PSPH: variants seen among roughly 807,000 people sequenced by gnomAD.
The protein encoded by PSPH is L-3-phosphoserine phosphatase.
Under a neutral mutation model 23.4 loss-of-function variants are expected in PSPH, and 16 were observed. The ratio of observed to expected loss-of-function variants is 0.68; its 90% CI spans 0.46 to 1.04. The LOEUF (loss-of-function observed/expected upper bound fraction) is 1.04. Among genes scored for constraint, PSPH ranks in the 50% least tolerant of loss-of-function variants. The pLI, the probability that PSPH is intolerant of heterozygous loss-of-function variation, is 0.00. For synonymous variants in PSPH, 68 were observed against 99.7 expected (o/e 0.68, Z 1.89); for missense variants, 223 against 273.7 (o/e 0.81, Z 1.31).
chr7:56,048,875 T>C lies in PSPH; in HGVS notation c.-292+2263A>G, dbSNP rs114998610. Among the ~76,000 whole-genome samples the C allele has an allele frequency of 9.4e-3, 1,413 of 150,218 alleles. 17 individuals are homozygous for C. The highest frequency in any genetic ancestry group is 0.032 in the African/African-American group (1,293 of 40,912). ...TTGTTAGATAGGTATACATATCCCA[T>C]GGTGGTTTGCTGCACCCTTCAACCC... On this transcript the variant is annotated intron_variant, in intron 1 of 7. Coordinates refer to ENST00000275605, the MANE Select transcript of PSPH (RefSeq NM_004577.4).
intron 5 of PSPH, among the ~76,000 whole-genome samples, chr7:56,019,347 G>A (rs180683570): frequency 0.01 from 1,557 of 151,840 alleles, 28 homozygotes; most frequent in Non-Finnish European, 0.011. Flanking sequence ...GCTGAGGCAG[G>A]AGAATTGCAT....
rs556233553 is a variant in PSPH, at chr7:56,018,810, TA to T, written c.275+789del. On this transcript the variant is annotated intron_variant, in intron 5 of 7. Coordinates refer to ENST00000275605, the MANE Select transcript of PSPH (RefSeq NM_004577.4). ...GTGAGACCCTGTGTCTACAGAAAATTAAAAAAAAAAAAAATTAGGCATGGTG... is the reference window on the plus strand; with the variant it reads ...GTGAGACCCTGTGTCTACAGAAAATTAAAAAAAAAAAAATTAGGCATGGTG... Among the ~76,000 whole-genome samples the T allele has an allele frequency of 6.6e-3, 929 of 141,252 alleles. 7 individuals carry two copies. The highest frequency in any genetic ancestry group is 0.015 in the African/African-American group (592 of 38,668). The allele number at this position is 141,252 out of a possible 152,430, so 92.7% of individuals were successfully genotyped here.
chr7:56,029,996 A>G (rs887343517), intron 3 of PSPH, among the ~76,000 whole-genome samples: 2 of 151,808 alleles, frequency 1.3e-5, no homozygotes, highest in African/African-American at 4.8e-5. Context: ...AAAAAAGAAA[A>G]AAAAAAAAAA....
chr7:56,013,006 TTATATATATACACACATATACTATATATG>T (rs148096732), intron 7 of PSPH, among the ~76,000 whole-genome samples: 8 of 136,436 alleles, frequency 5.9e-5, no homozygotes, highest in African/African-American at 1.8e-4. Context: ...TAGCATTTGA[TTATATATATACACACATATACTATATATG>T]TATATATATA....
chr7:56,038,399 C>A (rs1264350114), intron 1 of PSPH, among the ~76,000 whole-genome samples: 1 of 151,926 alleles, frequency 6.6e-6, no homozygotes, highest in Non-Finnish European at 1.5e-5. Context: ...GCGGAGCTTG[C>A]AGTGAGCGGA....
chr7:56,021,940 A>C (rs1170176525), intron 3 of PSPH, among the ~76,000 whole-genome samples: 1 of 125,978 alleles, frequency 7.9e-6, no homozygotes, highest in South Asian at 2.6e-4. Flanking sequence ...ACAAAGCGAG[A>C]CTCCGTCTCA....
At chr7:56,045,072 C>CAAA (rs35552809) in intron 1 of PSPH, among the ~76,000 whole-genome samples, 1,216 of 117,284 alleles carry the variant, frequency 0.01, 20 homozygotes, top group African/African-American at 0.032. Context: ...AACTCTGCCT[C>CAAA]AAAAAAAAAA....
chr7:56,040,356 A>G (rs976570741), intron 1 of PSPH, among the ~76,000 whole-genome samples: 4 of 149,650 alleles, frequency 2.7e-5, no homozygotes, highest in African/African-American at 7.4e-5. Flanking sequence ...CTATATATCT[A>G]TATAAAAAAG....
In PSPH at chr7:56,022,332, T is replaced by C. The variant is rs557900695; in HGVS notation, c.-19-1101A>G. On this transcript the variant is annotated intron_variant, in intron 3 of 7. Transcript: ENST00000275605. Reference sequence around the variant, plus strand: ...CTGGGCAACAGAGCAAGACCCTGACTCTAACTAAAAGAAAAAAAAAGAAGG... The same window carrying C: ...CTGGGCAACAGAGCAAGACCCTGACCCTAACTAAAAGAAAAAAAAAGAAGG... Among the ~76,000 whole-genome samples the C allele has an allele frequency of 2.6e-5, 4 of 151,922 alleles. No homozygotes were observed. The East Asian group carries it at 7.8e-4, about 29-fold the overall frequency.
At chr7:56,048,361 G>T (rs1382796298) in intron 1 of PSPH, among the ~76,000 whole-genome samples, 19 of 151,386 alleles carry the variant, frequency 1.3e-4, no homozygotes, top group Admixed American at 9.9e-4. Flanking sequence ...AAAATAACTG[G>T]CCAGTATTCA....
rs372856150 is a variant in PSPH at position 56,031,136 on chromosome 7, G to A, written c.-20+793C>T. On this transcript the variant is annotated intron_variant, in intron 3 of 7. Transcript: ENST00000275605. ...TGAGGCAGGAGAATGGCGTGAACCCGGGAAGCGGAGCTTGCAGTGAGCCGA... is the reference window on the plus strand; with the variant it reads ...TGAGGCAGGAGAATGGCGTGAACCCAGGAAGCGGAGCTTGCAGTGAGCCGA... 3.1e-4 allele frequency among the ~76,000 whole-genome samples: 47 copies of A among 151,488 alleles called. 1 individual carries two copies. The South Asian group carries it at 9.2e-3, about 30-fold the overall frequency.
At chr7:56,012,758 T>C (rs1431468322) in intron 7 of PSPH, among the ~76,000 whole-genome samples, 1 of 148,724 alleles carries the variant, frequency 6.7e-6, no homozygotes, top group Non-Finnish European at 1.5e-5. Context: ...ACCCTGTCTC[T>C]AATTTTTTTG....
At chr7:56,022,143 CAT>C (rs1789562413) in intron 3 of PSPH, among the ~76,000 whole-genome samples, 1 of 151,956 alleles carries the variant, frequency 6.6e-6, no homozygotes, top group African/African-American at 2.4e-5. Flanking sequence ...GCGTGGGCAA[CAT>C]AGAGAGACCA....
chr7:56,026,870 T>C (rs1790257719), intron 3 of PSPH, among the ~76,000 whole-genome samples: 1 of 151,764 alleles, frequency 6.6e-6, no homozygotes, highest in Non-Finnish European at 1.5e-5. Flanking sequence ...TAAGAGGAGC[T>C]AAAATGAGGT....
At chr7:56,026,817 A>C (rs1179212254) in intron 3 of PSPH, among the ~76,000 whole-genome samples, 1 of 152,126 alleles carries the variant, frequency 6.6e-6, no homozygotes, top group African/African-American at 2.4e-5. Context: ...TGGAGAATGA[A>C]CCATAGGTGA....
At chr7:56,046,692 G>A (rs1336763930) in intron 1 of PSPH, among the ~76,000 whole-genome samples, 6 of 151,260 alleles carry the variant, frequency 4.0e-5, no homozygotes, top group African/African-American at 1.5e-4. Flanking sequence ...GTTGAGGCAG[G>A]AGAATCACTT....
At chr7:56,044,298 T>C (rs1792944864) in intron 1 of PSPH, among the ~76,000 whole-genome samples, 1 of 152,048 alleles carries the variant, frequency 6.6e-6, no homozygotes, top group Non-Finnish European at 1.5e-5. Flanking sequence ...TACTCACCAA[T>C]GGATAGCAAA....
At chr7:56,046,748 C>A (rs1793299582) in intron 1 of PSPH, among the ~76,000 whole-genome samples, 1 of 148,704 alleles carries the variant, frequency 6.7e-6, no homozygotes, top group African/African-American at 2.5e-5. Context: ...CGCACCACTA[C>A]ACTCCAGCCT....
chr7:56,047,982 C>A (rs955412330), intron 1 of PSPH, among the ~76,000 whole-genome samples: 1 of 148,340 alleles, frequency 6.7e-6, no homozygotes, highest in Admixed American at 6.7e-5. Context: ...TGTATTTAAA[C>A]ATAAGGAAAC....
Sources: gnomAD v4.1 joint callset for allele counts (sites outside exome capture counted in the v4.1 genomes callset) on GRCh38, gnomAD v4.1.1 for gene constraint, MANE v1.5 for transcripts, NCBI Gene and HGNC (gene_info 2026-07-23, HGNC 2026-07-21) for gene names.